Variants in ARFIP1 observed in about 807,000 individuals in gnomAD.
ARFIP1 encodes arfaptin-1.
ARFIP1 carries 24 observed loss-of-function variants against 42.5 expected under a neutral mutation model. The ratio of observed to expected loss-of-function variants is 0.57; its 90% CI spans 0.41 to 0.80. The LOEUF (loss-of-function observed/expected upper bound fraction) is 0.80, where lower values mean the gene tolerates loss of function less well. ARFIP1 is among the 30% of genes least tolerant of loss of function. ARFIP1 has a pLI of 0.00. For synonymous variants in ARFIP1, 141 were observed against 153.7 expected (o/e 0.92, Z 0.61); for missense variants, 354 against 434.0 (o/e 0.82, Z 1.64).
chr4:152,887,954 T>C (rs1736401050), intron 7 of ARFIP1, among the ~76,000 whole-genome samples, 179 bp from the exon 8 acceptor site: 3 of 152,106 alleles, frequency 2.0e-5, no homozygotes, highest in African/African-American at 7.2e-5. Context: ...TTTGTTCTTA[T>C]TTAAATAGCT....
At chr4:152,789,885 C>T (rs1731049540) in intron 1 of ARFIP1, among the ~76,000 whole-genome samples, 1 of 152,240 alleles carries the variant, frequency 6.6e-6, no homozygotes, top group Admixed American at 6.5e-5. Context: ...ACAAAATGCT[C>T]TAGGCTCACC....
chr4:152,793,510 T>A (rs1347344231), intron 1 of ARFIP1, among the ~76,000 whole-genome samples: 9 of 151,966 alleles, frequency 5.9e-5, no homozygotes, highest in Admixed American at 5.9e-4. Context: ...TACCTGAAAC[T>A]GTGGATAGTC....
chr4:152,865,335 C>G (rs1000815924), intron 3 of ARFIP1, among the ~76,000 whole-genome samples: 1 of 152,060 alleles, frequency 6.6e-6, no homozygotes, highest in Non-Finnish European at 1.5e-5. Flanking sequence ...CGGGGTTTCA[C>G]TATGTTGGCC....
At chr4:152,819,772 C>T (rs1730209124) in intron 1 of ARFIP1, among the ~76,000 whole-genome samples, 1 of 152,176 alleles carries the variant, frequency 6.6e-6, no homozygotes, top group Admixed American at 6.5e-5. Context: ...AGCTCTACCT[C>T]AACAGTCAGG....
chr4:152,790,874 AGG>A (rs1490748712), intron 1 of ARFIP1, among the ~76,000 whole-genome samples: 1 of 151,100 alleles, frequency 6.6e-6, no homozygotes, highest in Non-Finnish European at 1.5e-5. Flanking sequence ...CTGGGACCCC[AGG>A]TGCGTGCCAC....
At position 152,911,719 on chromosome 4, in the gene ARFIP1, TG is replaced by T. The variant is rs1293093723; in HGVS notation, c.*1501del. 2.6e-5 allele frequency: 4 copies of T among 152,640 alleles called. No homozygotes were observed. Among genetic ancestry groups the T allele is most frequent in the Non-Finnish European group, 5.9e-5 (4 of 68,016 alleles). 9.5% of individuals were successfully genotyped at this position (152,640 alleles called of 1,614,324 possible). On this transcript the variant is annotated 3_prime_UTR_variant, in exon 9 of 9. Transcript: ENST00000353617. ...GGCTTTTTAATTAATATGCCTGTTT[TG>T]AGTGCTTAATACAATGTAATGTGAT...
At chr4:152,805,855 C>CA (rs1158271378) in intron 1 of ARFIP1, among the ~76,000 whole-genome samples, 5 of 152,222 alleles carry the variant, frequency 3.3e-5, no homozygotes, top group Admixed American at 2.0e-4. Flanking sequence ...GAATTGAACA[C>CA]AAACAATCTG....
At chr4:152,790,063 A>G (rs887009681) in intron 1 of ARFIP1, among the ~76,000 whole-genome samples, 1 of 152,204 alleles carries the variant, frequency 6.6e-6, no homozygotes, top group African/African-American at 2.4e-5. Flanking sequence ...AAGGAAATAT[A>G]TGTGTGTACA....
chr4:152,894,305 C>A (rs1295144249), intron 8 of ARFIP1, among the ~76,000 whole-genome samples: 1 of 151,696 alleles, frequency 6.6e-6, no homozygotes, highest in Non-Finnish European at 1.5e-5. Flanking sequence ...CAGAAGTATT[C>A]TTTGCTTACT....
At chr4:152,843,265 G>A (rs1179722346) in intron 2 of ARFIP1, among the ~76,000 whole-genome samples, 1 of 152,172 alleles carries the variant, frequency 6.6e-6, no homozygotes, top group East Asian at 1.9e-4. Flanking sequence ...GTCCTGTGAT[G>A]TGAACCATCT....
intron 2 of ARFIP1, among the ~76,000 whole-genome samples, chr4:152,832,410 C>T (rs1032772365): frequency 6.6e-6 from 1 of 151,996 alleles, no homozygotes. Context: ...GCCTTTTGCC[C>T]GTTTTTCTAC....
intron 5 of ARFIP1, 97 bp downstream of exon 5, chr4:152,872,661 G>T: frequency 1.6e-6 from 1 of 606,804 alleles, no homozygotes. Context: ...TGCACATAGA[G>T]AAGAGAAAAT....
intron 1 of ARFIP1, among the ~76,000 whole-genome samples, chr4:152,823,840 A>C (rs978514420): frequency 6.6e-5 from 10 of 151,354 alleles, no homozygotes. Flanking sequence ...TTTTCCAAAA[A>C]CTCGAGAAGG....
chr4:152,902,501 C>T (rs981410086), intron 8 of ARFIP1, among the ~76,000 whole-genome samples: 8 of 151,798 alleles, frequency 5.3e-5, no homozygotes, highest in Non-Finnish European at 8.8e-5. Context: ...GACCCTGTCT[C>T]GGGTCTCGGG....
At chr4:152,785,538 A>G (rs1305039468) in intron 1 of ARFIP1, among the ~76,000 whole-genome samples, 1 of 152,226 alleles carries the variant, frequency 6.6e-6, no homozygotes, top group African/African-American at 2.4e-5. Flanking sequence ...CCTGGGCTCA[A>G]GCGATCTTCC....
chr4:152,799,402 G>T lies in ARFIP1; in HGVS notation c.-10+19176G>T, dbSNP rs191057087. On this transcript the variant is annotated intron_variant, in intron 1 of 8. Transcript: ENST00000353617. ...CTGTCTCCAGTTACAGTGTTTCTGT[G>T]CCAATCTGCCATCTGTTTATGTGAC... Among the ~76,000 whole-genome samples the T allele has an allele frequency of 4.9e-4, 74 of 152,300 alleles. 1 individual carries two copies. The East Asian group carries it at 0.013, about 27-fold the overall frequency.
intron 1 of ARFIP1, chr4:152,796,709 C>T: frequency 1.2e-6 from 1 of 864,416 alleles, no homozygotes; most frequent in Non-Finnish European, 2.0e-6. Context: ...GCCTTCAGAC[C>T]AATCATTTTC....
chr4:152,870,974 C>A, intron 4 of ARFIP1, 126 bp downstream of exon 4: 1 of 626,092 alleles, frequency 1.6e-6, no homozygotes, highest in South Asian at 3.1e-5. Context: ...TTGGTGGCTG[C>A]CTTATTAACA....
intron 8 of ARFIP1, among the ~76,000 whole-genome samples, 200 bp from the exon 9 acceptor site, chr4:152,909,864 T>G (rs1290197498): frequency 6.6e-6 from 1 of 152,212 alleles, no homozygotes; most frequent in African/African-American, 2.4e-5. Flanking sequence ...CTATTCTCTT[T>G]AGGGTAATTA....
Sources: allele counts gnomAD v4.1 joint callset (sites outside exome capture counted in the v4.1 genomes callset), GRCh38; gene constraint gnomAD v4.1.1; transcripts MANE v1.5; gene names NCBI Gene and HGNC (gene_info 2026-07-23, HGNC 2026-07-21).